RAB5A: variants seen among roughly 807,000 people sequenced by gnomAD.
RAB5A encodes RAB5A, member RAS oncogene family.
In RAB5A, 8 loss-of-function variants were observed where a neutral mutation model predicts 25.7. The observed-to-expected ratio is 0.31, with a 90% confidence interval of 0.18 to 0.56. The LOEUF (loss-of-function observed/expected upper bound fraction) is 0.56. Ranked by LOEUF, RAB5A falls within the 20% of genes least tolerant of loss-of-function variation. RAB5A has a pLI of 0.91. For synonymous variants in RAB5A, 98 were observed against 89.8 expected, an observed-to-expected ratio of 1.09 and a Z score of -0.52; for missense variants, 192 against 259.7, an observed-to-expected ratio of 0.74 and a Z score of 1.79.
intron 2 of RAB5A, among the ~76,000 whole-genome samples, chr3:19,959,061 A>G (rs1393137725): frequency 2.6e-5 from 4 of 152,238 alleles, no homozygotes; most frequent in Admixed American, 6.5e-5. Flanking sequence ...AAGATTTGGA[A>G]TCATTATGAG....
At chr3:19,971,764 C>T (rs575132952) in intron 2 of RAB5A, among the ~76,000 whole-genome samples, 5 of 152,224 alleles carry the variant, frequency 3.3e-5, no homozygotes, top group African/African-American at 7.2e-5. Flanking sequence ...TGGAAGCCAC[C>T]GCACCTGGCC....
In RAB5A at chr3:19,978,334, A is replaced by T; in HGVS notation, c.463A>T (p.Asn155Tyr). 6.2e-7 allele frequency: 1 copy of T among 1,610,496 alleles called. No individual in the cohort carries two copies. Among genetic ancestry groups the T allele is most frequent in the Non-Finnish European group, 8.5e-7 (1 of 1,177,032 alleles). Residue 155 changes from asparagine (N) to tyrosine (Y), a missense_variant, in exon 5 of 6, where the codon AAT (asparagine) becomes TAT (tyrosine). By Grantham distance (143) the Asn-to-Tyr change is moderately radical (BLOSUM62 -2). Around this residue, in one of 3 missense-constraint regions of RAB5A, gnomAD observed 121 missense variants for 135.7 expected, o/e 0.89. Transcript: ENST00000273047. ...GGAAGCACAGTCCTATGCAGATGAC[A>T]ATAGTTTATTATTCATGGAGACATC... ...FQEAQSYADD[N>Y]SLLFMETSAK...
chr3:19,970,604 C>T (rs1215973391), intron 2 of RAB5A: 1 of 456,574 alleles, frequency 2.2e-6, no homozygotes, highest in Admixed American at 2.3e-5. Context: ...GAAAAGAAAA[C>T]CAACTGCTAG....
intron 5 of RAB5A, 65 bp from the exon 6 acceptor site, chr3:19,983,643 A>G: frequency 9.5e-7 from 1 of 1,050,214 alleles, no homozygotes; most frequent in South Asian, 1.4e-5. Flanking sequence ...ATTATAGATA[A>G]GCAGGTGAAA....
Position 19,951,035 on chromosome 3 carries a change from A to G in RAB5A, c.137A>G (p.His46Arg), listed in dbSNP as rs2125177675. 4 of 1,614,026 alleles carry G rather than the reference A, an allele frequency of 2.5e-6. No homozygotes were observed. In the East Asian group the frequency reaches 8.9e-5, roughly 36 times the overall value. Residue 46 changes from histidine to arginine, a missense_variant, in exon 2 of 6, where the codon CAT becomes CGT. His to Arg is a conservative substitution (Grantham distance 29). This residue lies in a region of RAB5A where 39 missense variants were observed against 91.6 expected (regional missense o/e 0.43). Transcript: ENST00000273047. The part of the protein sequence containing the change: ...LVLRFVKGQF[H>R]EFQESTIGAA... ...CTTCGTTTTGTGAAAGGCCAATTTC[A>G]TGAATTTCAAGAGAGTACCATTGGG...
At chr3:19,971,944 ACTTC>A (rs1181525457) in intron 2 of RAB5A, among the ~76,000 whole-genome samples, 1 of 151,570 alleles carries the variant, frequency 6.6e-6, no homozygotes, top group African/African-American at 2.4e-5. Context: ...ATCTTTTTGA[ACTTC>A]CTTCTTTTAG....
At chr3:19,953,529 C>A (rs1419184756) in intron 2 of RAB5A, among the ~76,000 whole-genome samples, 2 of 151,678 alleles carry the variant, frequency 1.3e-5, no homozygotes, top group African/African-American at 4.8e-5. Context: ...TGCCTCAGCC[C>A]CCCAAGTAGC....
At chr3:19,949,043 A>G (rs17181337) in intron 1 of RAB5A, among the ~76,000 whole-genome samples, 24,981 of 152,176 alleles carry the variant, frequency 0.16, 2,698 homozygotes, top group Non-Finnish European at 0.24. Flanking sequence ...CACATCAGCT[A>G]TGCAAGTTAG....
Position 19,984,214 on chromosome 3 carries a change from C to G in RAB5A, c.*391C>G, listed in dbSNP as rs1696989065. On this transcript the variant is annotated 3_prime_UTR_variant, in exon 6 of 6. Coordinates refer to ENST00000273047, the MANE Select transcript of RAB5A (RefSeq NM_004162.5). ...CTTACTAATTTGGGCTTTTCAAAAA[C>G]ATTCTTTGTTTAGAAGGAGATTCTA... The G allele has an allele frequency of 4.8e-6, 2 of 419,666 alleles. No individual in the cohort carries two copies. Among genetic ancestry groups the G allele is most frequent in the African/African-American group, 4.3e-5 (2 of 46,890 alleles). The allele number at this position is 419,666 out of a possible 1,614,324, so 26.0% of individuals were successfully genotyped here.
intron 4 of RAB5A, 91 bp downstream of exon 4, chr3:19,976,260 C>A: frequency 7.4e-7 from 1 of 1,359,854 alleles, no homozygotes; most frequent in Non-Finnish European, 1.0e-6. Context: ...AATGTCAAAA[C>A]CATGCAAGTA....
At position 19,984,982 on chromosome 3, in the gene RAB5A, A is replaced by G. The variant is rs575590190; in HGVS notation, c.*1159A>G. The G allele has an allele frequency of 1.1e-5, 2 of 183,324 alleles. No individual in the cohort carries two copies. The highest frequency in any genetic ancestry group is 3.2e-4 in the East Asian group (2 of 6,328). 11.4% of individuals were successfully genotyped at this position (183,324 alleles called of 1,614,324 possible). ...TTCATTTTATTTTGATCAGTTCAGT[A>G]TATTGCACTAATTATTTTAGGTATT... On this transcript the variant is annotated 3_prime_UTR_variant, in exon 6 of 6. Transcript: ENST00000273047.
intron 2 of RAB5A, among the ~76,000 whole-genome samples, chr3:19,954,349 C>T (rs1696468068): frequency 6.6e-6 from 1 of 152,122 alleles, no homozygotes; most frequent in Non-Finnish European, 1.5e-5. Context: ...CTGTTTATAT[C>T]TCCTAACATG....
chr3:19,969,299 C>G (rs1696710960), intron 2 of RAB5A, among the ~76,000 whole-genome samples: 1 of 152,086 alleles, frequency 6.6e-6, no homozygotes, highest in Non-Finnish European at 1.5e-5. Context: ...CTGCCTCGGC[C>G]TCCTAAAGTG....
chr3:19,964,445 T>A (rs1255551093), intron 2 of RAB5A, among the ~76,000 whole-genome samples: 1 of 152,188 alleles, frequency 6.6e-6, no homozygotes, highest in Non-Finnish European at 1.5e-5. Context: ...TCAGTTTTGG[T>A]ACGTTCCTGT....
intron 5 of RAB5A, among the ~76,000 whole-genome samples, chr3:19,983,345 CAAA>C (rs34872300): frequency 2.2e-5 from 2 of 92,114 alleles, no homozygotes; most frequent in Admixed American, 1.3e-4. Flanking sequence ...GACTACATCT[CAAA>C]AAAAAAAAAA....
At chr3:19,958,858 C>T (rs1189080167) in intron 2 of RAB5A, among the ~76,000 whole-genome samples, 1 of 151,930 alleles carries the variant, frequency 6.6e-6, no homozygotes, top group East Asian at 1.9e-4. Context: ...AGAATTGCTT[C>T]AACCTGGGAG....
intron 5 of RAB5A, among the ~76,000 whole-genome samples, chr3:19,982,417 T>G (rs1280671144): frequency 2.0e-5 from 3 of 152,230 alleles, no homozygotes; most frequent in Non-Finnish European, 4.4e-5. Context: ...CATGCAGGCA[T>G]CTAACTTGGG....
intron 5 of RAB5A, among the ~76,000 whole-genome samples, chr3:19,982,849 A>G (rs924308285): frequency 5.3e-5 from 8 of 152,172 alleles, no homozygotes; most frequent in African/African-American, 1.9e-4. Context: ...GATATGATCT[A>G]TCACAATTCG....
chr3:19,971,881 G>A (rs1696757553), intron 2 of RAB5A, among the ~76,000 whole-genome samples: 1 of 152,162 alleles, frequency 6.6e-6, no homozygotes, highest in African/African-American at 2.4e-5. Context: ...TTTGGGAGCT[G>A]CCTCTCTCTA....
Sources: allele counts gnomAD v4.1 joint callset (sites outside exome capture counted in the v4.1 genomes callset), GRCh38; gene constraint gnomAD v4.1.1; regional missense constraint gnomAD v4.1.1; transcripts MANE v1.5; gene names NCBI Gene and HGNC (gene_info 2026-07-23, HGNC 2026-07-21).